The following DAB1 variants were observed in gnomAD, a reference collection of about 807,000 sequenced individuals.
The protein encoded by DAB1 is DAB adaptor protein 1, also known as disabled homolog 1.
A neutral mutation model predicts 64.6 loss-of-function variants in DAB1; 15 were observed. That is an observed-to-expected ratio of 0.23 (90% CI 0.16 to 0.36). The LOEUF (loss-of-function observed/expected upper bound fraction) is 0.36, where lower values mean the gene tolerates loss of function less well. Among genes scored for constraint, DAB1 ranks in the 10% least tolerant of loss-of-function variants. The pLI is 1.00. For synonymous variants in DAB1, 235 were observed against 251.9 expected (o/e 0.93, Z 0.64); for missense variants, 596 against 706.7 (o/e 0.84, Z 1.78).
chr1:57,804,059 G>A (rs896659351), intron 6 of DAB1, among the ~76,000 whole-genome samples: 8 of 152,138 alleles, frequency 5.3e-5, no homozygotes, highest in Admixed American at 3.9e-4. Context: ...TAAAAATTCC[G>A]GTTACTGGCA....
chr1:57,067,538 C>G (rs181824502), intron 8 of DAB1, among the ~76,000 whole-genome samples: 1 of 152,116 alleles, frequency 6.6e-6, no homozygotes, highest in South Asian at 2.1e-4. Flanking sequence ...AGAGTTGGCT[C>G]ACCATCAGCG....
intron 6 of DAB1, among the ~76,000 whole-genome samples, chr1:57,663,630 T>G (rs967227023): frequency 6.6e-6 from 1 of 152,122 alleles, no homozygotes; most frequent in East Asian, 1.9e-4. Flanking sequence ...CAATATTTTC[T>G]TATTTTTTTT....
intron 4 of DAB1, among the ~76,000 whole-genome samples, chr1:57,074,043 A>AT (rs1035738712): frequency 2.6e-5 from 4 of 152,062 alleles, no homozygotes; most frequent in Admixed American, 2.6e-4. Context: ...GAGCCGGCTC[A>AT]TTTTTTTGTA....
intron 4 of DAB1, among the ~76,000 whole-genome samples, chr1:58,311,576 T>C (rs560206515): frequency 6.6e-6 from 1 of 152,270 alleles, no homozygotes; most frequent in Non-Finnish European, 1.5e-5. Context: ...AGTGCAGAAA[T>C]CCTGCCTTGG....
chr1:57,984,188 G>A (rs2764672), intron 5 of DAB1, among the ~76,000 whole-genome samples: 27,873 of 49,522 alleles, frequency 0.56, 7,897 homozygotes, highest in South Asian at 0.7. Context: ...TTAAAAAAAA[G>A]AAAGAAAGAA....
At chr1:57,611,925 C>T (rs1645731358) in intron 7 of DAB1, among the ~76,000 whole-genome samples, 1 of 152,170 alleles carries the variant, frequency 6.6e-6, no homozygotes, top group Non-Finnish European at 1.5e-5. Flanking sequence ...CTTCATAAGA[C>T]CCACCCCCCT....
At chr1:58,228,567 G>A (rs1659613561) in intron 4 of DAB1, 2 of 431,504 alleles carry the variant, frequency 4.6e-6, no homozygotes, top group South Asian at 2.0e-5. Flanking sequence ...CAGGGGGAGG[G>A]GGGACTCTAG....
At chr1:57,617,730 A>G (rs1418011587) in intron 7 of DAB1, among the ~76,000 whole-genome samples, 1 of 152,168 alleles carries the variant, frequency 6.6e-6, no homozygotes, top group Non-Finnish European at 1.5e-5. Context: ...AAAATGGGAA[A>G]ACAGAGAATC....
intron 6 of DAB1, among the ~76,000 whole-genome samples, chr1:57,736,474 C>A (rs1647698129): frequency 6.6e-6 from 1 of 152,172 alleles, no homozygotes; most frequent in Non-Finnish European, 1.5e-5. Context: ...GATTTGGAAT[C>A]AGAATTTCCA....
At chr1:58,448,969 A>G (rs536547766) in intron 3 of DAB1, among the ~76,000 whole-genome samples, 1 of 152,364 alleles carries the variant, frequency 6.6e-6, no homozygotes, top group African/African-American at 2.4e-5. Flanking sequence ...AAGTGGAAGA[A>G]ATAATCATTG....
At chr1:58,449,245 T>G (rs560923420) in intron 3 of DAB1, among the ~76,000 whole-genome samples, 1 of 152,322 alleles carries the variant, frequency 6.6e-6, no homozygotes, top group Admixed American at 6.5e-5. Context: ...CTCTTGAGGA[T>G]AACTGGTCAA....
At chr1:57,442,140 C>T (rs753897937) in intron 7 of DAB1, among the ~76,000 whole-genome samples, 2 of 152,162 alleles carry the variant, frequency 1.3e-5, no homozygotes, top group Admixed American at 6.5e-5. Flanking sequence ...CTCAGCTGCA[C>T]TTATCTGAGA....
chr1:58,300,296 A>G (rs1396004949), intron 4 of DAB1, among the ~76,000 whole-genome samples: 1 of 152,060 alleles, frequency 6.6e-6, no homozygotes, highest in Non-Finnish European at 1.5e-5. Flanking sequence ...CTGTAATCCC[A>G]GCACTTTGGG....
chr1:57,763,907 A>T (rs1471820275), intron 6 of DAB1, among the ~76,000 whole-genome samples: 3 of 152,162 alleles, frequency 2.0e-5, no homozygotes, highest in Non-Finnish European at 4.4e-5. Context: ...CCATTTTTGC[A>T]TATCAAAATC....
chr1:58,063,320 A>C (rs17116801), intron 5 of DAB1, among the ~76,000 whole-genome samples: 1,886 of 152,284 alleles, frequency 0.012, 36 homozygotes, highest in African/African-American at 0.042. Flanking sequence ...AAAAAAAATG[A>C]CACCTTTACA....
At chr1:57,294,339 G>A (rs1014378234) in intron 1 of DAB1, among the ~76,000 whole-genome samples, 1 of 152,086 alleles carries the variant, frequency 6.6e-6, no homozygotes, top group Non-Finnish European at 1.5e-5. Flanking sequence ...ATCTAAATGT[G>A]AATTATGTAA....
intron 5 of DAB1, among the ~76,000 whole-genome samples, chr1:57,938,775 C>T (rs1486044708): frequency 6.6e-6 from 1 of 152,084 alleles, no homozygotes; most frequent in African/African-American, 2.4e-5. Context: ...CCCAGGCCCC[C>T]TGGAGGTACC....
At chr1:58,404,763 TA>T (rs11367380) in intron 3 of DAB1, among the ~76,000 whole-genome samples, 1,588 of 152,294 alleles carry the variant, frequency 0.01, 32 homozygotes, top group African/African-American at 0.037. Context: ...TCCTCATATG[TA>T]ACACACAGGG....
At position 57,553,460 on chromosome 1, in the gene DAB1, G is replaced by GAA. The variant is rs1553193783; in HGVS notation, n.625+96131_625+96132insTT. Among the ~76,000 whole-genome samples, 25 of 92,890 alleles carry GAA rather than the reference G, an allele frequency of 2.7e-4. 1 individual carries two copies. The East Asian group carries it at 5.1e-3, about 19-fold the overall frequency. 60.9% of individuals were successfully genotyped at this position (92,890 alleles called of 152,430 possible). Reference sequence around the variant, plus strand: ...AAAGAAAGAGAAAGAAAGAAAGAAAGAGAAAGGGAAAGAAAGGAAGGAAGG... The same window carrying GAA: ...AAAGAAAGAGAAAGAAAGAAAGAAAGAAAGAAAGGGAAAGAAAGGAAGGAAGG... On this transcript the variant is annotated intron_variant and non_coding_transcript_variant, in intron 7 of 20. Coordinates refer to the DAB1 transcript ENST00000485760.
Sources: gnomAD v4.1 joint callset for allele counts (sites outside exome capture counted in the v4.1 genomes callset) on GRCh38, gnomAD v4.1.1 for gene constraint, MANE v1.5 for transcripts, NCBI Gene and HGNC (gene_info 2026-07-23, HGNC 2026-07-21) for gene names.